Variants in MCM3AP observed in about 807,000 individuals in gnomAD.
MCM3AP encodes germinal-center associated nuclear protein.
MCM3AP carries 126 observed loss-of-function variants against 184.1 expected under a neutral mutation model. The ratio of observed to expected loss-of-function variants is 0.68; its 90% CI spans 0.59 to 0.79. MCM3AP has a LOEUF of 0.79. MCM3AP is among the 30% of genes least tolerant of loss of function. The pLI is 0.00. For synonymous variants in MCM3AP, 1,002 were observed against 979.3 expected (o/e 1.02, Z -0.43); for missense variants, 2,496 against 2,479.2 (o/e 1.01, Z -0.14).
At position 46,276,518 on chromosome 21, in the gene MCM3AP, C is replaced by T. The variant is rs566390128; in HGVS notation, c.1858+1009G>A. ...GTACAATGGCACAATCTCGGCTCAC[C>T]GCAACCTCAGCCTCCCGGGTTCAAG... On this transcript the variant is annotated intron_variant, in intron 5 of 27. Transcript: ENST00000291688. 4.6e-5 allele frequency among the ~76,000 whole-genome samples: 7 copies of T among 151,254 alleles called. No homozygotes were observed. In the South Asian group the frequency reaches 6.3e-4, roughly 14 times the overall value.
chr21:46,256,744 G>T, intron 17 of MCM3AP, 45 bp downstream of exon 17: 2 of 1,526,364 alleles, frequency 1.3e-6, no homozygotes, highest in Non-Finnish European at 8.8e-7. Flanking sequence ...AAAACCAAGT[G>T]GGGGCAGGGG....
chr21:46,272,379 C>T (rs574715353), intron 8 of MCM3AP, among the ~76,000 whole-genome samples, 182 bp downstream of exon 8: 3 of 152,332 alleles, frequency 2.0e-5, no homozygotes, highest in Non-Finnish European at 2.9e-5. Context: ...ACCCCCATCG[C>T]TCTTCCCCCA....
chr21:46,262,150 A>G (rs756155457), intron 13 of MCM3AP, among the ~76,000 whole-genome samples: 4 of 152,232 alleles, frequency 2.6e-5, no homozygotes, highest in Admixed American at 6.5e-5. Flanking sequence ...GAGTAGACCT[A>G]TAACTAGTAA....
Position 46,283,792 on chromosome 21 carries a change from G to A in MCM3AP, c.1266C>T (p.Ser422=), listed in dbSNP as rs2081363585. 6.2e-7 allele frequency: 1 copy of A among 1,613,992 alleles called. No individual in the cohort carries two copies. Among genetic ancestry groups the A allele is most frequent in the South Asian group, 1.1e-5 (1 of 91,090 alleles). The part of the protein sequence containing the change: ...TPARQSNRSE[S]TDSLGGLSPS... Reference sequence around the variant, plus strand: ...GAGACAAGCCCCCAAGACTGTCTGTGCTCTCGCTTCTGTTACTCTGACGCG... The same window carrying A: ...GAGACAAGCCCCCAAGACTGTCTGTACTCTCGCTTCTGTTACTCTGACGCG... The change falls in exon 2 of 28, where the codon AGC becomes AGT. Residue 422 remains serine, a synonymous_variant. Coordinates refer to ENST00000291688, the MANE Select transcript of MCM3AP (RefSeq NM_003906.5).
At chr21:46,272,409 A>C in intron 8 of MCM3AP, 152 bp downstream of exon 8, 1 of 806,610 alleles carries the variant, frequency 1.2e-6, no homozygotes, top group Non-Finnish European at 1.9e-6. Flanking sequence ...AGCCGACTGC[A>C]AAGCCAGACC....
At chr21:46,249,426 C>T (rs978761342) in intron 20 of MCM3AP, among the ~76,000 whole-genome samples, 2 of 152,170 alleles carry the variant, frequency 1.3e-5, no homozygotes, top group Non-Finnish European at 2.9e-5. Context: ...GCACTCAAAA[C>T]AATCCGCTCA....
At chr21:46,254,986 A>G in intron 17 of MCM3AP, 142 bp from the exon 18 acceptor site, 1 of 689,766 alleles carries the variant, frequency 1.4e-6, no homozygotes, top group Non-Finnish European at 2.6e-6. Context: ...CATTCCACAA[A>G]TATCATGTTA....
At chr21:46,259,424 C>G (rs1336227390) in intron 15 of MCM3AP, 2 of 170,262 alleles carry the variant, frequency 1.2e-5, no homozygotes, top group East Asian at 3.2e-4. Flanking sequence ...CCACTGCACT[C>G]CAGCCTGGAC....
intron 6 of MCM3AP, among the ~76,000 whole-genome samples, chr21:46,274,689 AC>A: frequency 6.6e-6 from 1 of 152,282 alleles, no homozygotes; most frequent in Admixed American, 6.5e-5. Flanking sequence ...TAATCCCAGC[AC>A]TTTGGGAGGC....
Position 46,272,904 on chromosome 21 carries a change from G to C in MCM3AP, c.2197-75C>G, listed in dbSNP as rs893131589. On this transcript the variant is annotated intron_variant, in intron 7 of 27. Coordinates refer to ENST00000291688, the MANE Select transcript of MCM3AP (RefSeq NM_003906.5). ...GCAACCGTGAGAAGGATCATGCTAC[G>C]ACCTCAATTTCTCACTTTTCAATTT... 6 of 1,373,988 alleles carry C rather than the reference G, an allele frequency of 4.4e-6. No homozygotes were observed. In the East Asian group the frequency reaches 1.2e-4, roughly 27 times the overall value. 85.1% of individuals were successfully genotyped at this position (1,373,988 alleles called of 1,614,324 possible).
Position 46,283,603 on chromosome 21 carries a change from G to A in MCM3AP, c.1443+12C>T, listed in dbSNP as rs1215733188. ...AATCTAGGGTAACAAATGGCAAGAT[G>A]GGAGTACTCACATGATCAAAGAAAT... On this transcript the variant is annotated intron_variant, in intron 2 of 27. Coordinates refer to ENST00000291688, the MANE Select transcript of MCM3AP (RefSeq NM_003906.5). 2 of 1,575,492 alleles carry A rather than the reference G, an allele frequency of 1.3e-6. No individual in the cohort carries two copies. Among genetic ancestry groups the A allele is most frequent in the Admixed American group, 1.7e-5 (1 of 59,948 alleles).
chr21:46,275,777 C>T (rs2145703821), intron 5 of MCM3AP, among the ~76,000 whole-genome samples: 1 of 152,280 alleles, frequency 6.6e-6, no homozygotes, highest in East Asian at 1.9e-4. Context: ...TATCACTATT[C>T]TAAAACTGTC....
intron 9 of MCM3AP, among the ~76,000 whole-genome samples, chr21:46,269,230 C>T (rs1356087571): frequency 6.6e-6 from 1 of 152,030 alleles, no homozygotes; most frequent in African/African-American, 2.4e-5. Flanking sequence ...CCTCCCACCT[C>T]AGCCTCCTGA....
At chr21:46,266,602 G>A in intron 10 of MCM3AP, 1 of 264,674 alleles carries the variant, frequency 3.8e-6, no homozygotes. Context: ...CACTCTGACT[G>A]GTAAGTACCG....
intron 1 of MCM3AP, 51 bp from the exon 2 acceptor site, chr21:46,283,889 G>C (rs370696102): frequency 5.7e-6 from 9 of 1,569,052 alleles, no homozygotes; most frequent in Non-Finnish European, 6.1e-6. Flanking sequence ...TCCAACAACA[G>C]GAGGCACCAA....
intron 20 of MCM3AP, among the ~76,000 whole-genome samples, chr21:46,247,466 A>T (rs1206210950): frequency 1.3e-4 from 2 of 15,212 alleles, no homozygotes; most frequent in African/African-American, 4.7e-4. Flanking sequence ...GCTCCCTGCA[A>T]TTTCTGCCTC....
In MCM3AP at chr21:46,242,891, A is replaced by T. The variant is rs772731446; in HGVS notation, c.5337T>A (p.Phe1779Leu). The T allele has an allele frequency of 1.2e-5, 20 of 1,613,020 alleles. No homozygotes were observed. The highest frequency in any genetic ancestry group is 2.2e-5 in the South Asian group (2 of 90,972). The change falls in exon 25 of 28, where the codon TTT becomes TTA. Residue 1779 changes from phenylalanine to leucine, a missense_variant. Coordinates refer to ENST00000291688, the MANE Select transcript of MCM3AP (RefSeq NM_003906.5). ...SEDGQICVYF[F>L]KNDLKKYDVP... ...CATCATATTTTTTCAAATCGTTTTT[A>T]AAAAAATACACACATATCTGACCAT...
At chr21:46,278,326 A>G (rs1460122644) in intron 4 of MCM3AP, among the ~76,000 whole-genome samples, 2 of 152,234 alleles carry the variant, frequency 1.3e-5, no homozygotes, top group Non-Finnish European at 2.9e-5. Context: ...AGGACATACT[A>G]AAAGGAATCA....
chr21:46,235,770 T>C (rs1219420733), intron 27 of MCM3AP, among the ~76,000 whole-genome samples: 1 of 152,158 alleles, frequency 6.6e-6, no homozygotes, highest in Non-Finnish European at 1.5e-5. Context: ...CCTGAGTAGC[T>C]GGGACAACAG....
Sources: allele counts gnomAD v4.1 joint callset (sites outside exome capture counted in the v4.1 genomes callset), GRCh38; gene constraint gnomAD v4.1.1; transcripts MANE v1.5; gene names NCBI Gene and HGNC (gene_info 2026-07-23, HGNC 2026-07-21).